Variants in CNGB3 observed in about 807,000 individuals in gnomAD.
The protein encoded by CNGB3 is cyclic nucleotide-gated channel beta-3.
In CNGB3, 86 loss-of-function variants were observed where a neutral mutation model predicts 92.8. The observed-to-expected ratio is 0.93, with a 90% confidence interval of 0.78 to 1.11. The LOEUF (loss-of-function observed/expected upper bound fraction) is 1.11, where lower values mean the gene tolerates loss of function less well. Ranked by LOEUF, CNGB3 falls within the 50% of genes least tolerant of loss-of-function variation. The pLI is 0.00. For missense variants in CNGB3, 1,026 were observed against 956.8 expected (o/e 1.07, Z -0.95); for synonymous variants, 333 against 332.7 (o/e 1.00, Z -0.01).
intron 2 of CNGB3, among the ~76,000 whole-genome samples, chr8:86,729,451 C>T (rs1282464484): frequency 5.3e-5 from 8 of 152,130 alleles, no homozygotes. Flanking sequence ...TAGCTATTAC[C>T]AAGCCTTTCT....
intron 3 of CNGB3, among the ~76,000 whole-genome samples, chr8:86,684,468 A>T (rs1056282213): frequency 6.6e-6 from 1 of 152,136 alleles, no homozygotes; most frequent in Non-Finnish European, 1.5e-5. Flanking sequence ...TGCAATTATC[A>T]TATGACCCCT....
intron 3 of CNGB3, among the ~76,000 whole-genome samples, chr8:86,693,448 T>TTTA (rs1824360439): frequency 1.3e-5 from 2 of 149,694 alleles, no homozygotes; most frequent in African/African-American, 4.9e-5. Flanking sequence ...TATTTATTTA[T>TTTA]TTATTTATTT....
intron 13 of CNGB3, among the ~76,000 whole-genome samples, chr8:86,618,511 A>G (rs894373980): frequency 2.1e-5 from 3 of 144,536 alleles, no homozygotes; most frequent in African/African-American, 5.1e-5. Context: ...TTTATTTAGT[A>G]TCTCCCCTCC....
intron 2 of CNGB3, among the ~76,000 whole-genome samples, chr8:86,731,476 T>C (rs1192617591): frequency 6.6e-6 from 1 of 152,202 alleles, no homozygotes. Context: ...AAAAAGAACG[T>C]GGATCCATCT....
intron 1 of CNGB3, among the ~76,000 whole-genome samples, chr8:86,742,902 C>T (rs924425590): frequency 1.3e-5 from 2 of 152,118 alleles, no homozygotes; most frequent in Non-Finnish European, 2.9e-5. Flanking sequence ...AAAGTTCCTC[C>T]ACCTTGGCAG....
chr8:86,689,093 C>T (rs1199746373), intron 3 of CNGB3, among the ~76,000 whole-genome samples: 1 of 150,516 alleles, frequency 6.6e-6, no homozygotes, highest in African/African-American at 2.4e-5. Flanking sequence ...ATAGTTTCCT[C>T]TTGTTATTGA....
intron 3 of CNGB3, among the ~76,000 whole-genome samples, chr8:86,725,910 C>T (rs1825054276): frequency 6.6e-6 from 1 of 151,894 alleles, no homozygotes; most frequent in Admixed American, 6.6e-5. Flanking sequence ...TAATACCATG[C>T]CAAGAAGAGG....
chr8:86,653,490 A>G (rs1823444288), intron 7 of CNGB3, among the ~76,000 whole-genome samples: 1 of 152,064 alleles, frequency 6.6e-6, no homozygotes, highest in Admixed American at 6.6e-5. Flanking sequence ...GTAAACCTAA[A>G]TAACCCCTGA....
At chr8:86,635,440 G>T (rs1157940226) in intron 10 of CNGB3, among the ~76,000 whole-genome samples, 1 of 151,798 alleles carries the variant, frequency 6.6e-6, no homozygotes, top group East Asian at 1.9e-4. Context: ...TCTTTTTTAT[G>T]ATTTTAAAAA....
intron 15 of CNGB3, among the ~76,000 whole-genome samples, chr8:86,587,898 G>C (rs887184677): frequency 2.0e-5 from 3 of 152,096 alleles, no homozygotes; most frequent in Admixed American, 2.0e-4. Context: ...GCTTGATGGG[G>C]ATTGCATTGA....
chr8:86,736,508 T>G (rs1261280973), intron 2 of CNGB3, among the ~76,000 whole-genome samples: 4 of 152,166 alleles, frequency 2.6e-5, no homozygotes, highest in Non-Finnish European at 4.4e-5. Flanking sequence ...AATCCTTGGT[T>G]TTATGCTAAT....
intron 3 of CNGB3, among the ~76,000 whole-genome samples, chr8:86,722,139 C>T (rs950762953): frequency 6.6e-6 from 1 of 152,196 alleles, no homozygotes; most frequent in Non-Finnish European, 1.5e-5. Flanking sequence ...ATTTCACTCA[C>T]TCGCTGCTTG....
At chr8:86,658,971 A>G (rs3779796) in intron 6 of CNGB3, 201,060 of 1,073,312 alleles carry the variant, frequency 0.19, 23,191 homozygotes, top group East Asian at 0.4. Flanking sequence ...ATTGTCTTGC[A>G]CCTGGGCTTG....
At chr8:86,692,004 G>A (rs1178748242) in intron 3 of CNGB3, among the ~76,000 whole-genome samples, 1 of 152,140 alleles carries the variant, frequency 6.6e-6, no homozygotes, top group Non-Finnish European at 1.5e-5. Flanking sequence ...TCAGGAACAG[G>A]TGATTTAATT....
At position 86,671,004 on chromosome 8, in the gene CNGB3, G is replaced by T; in HGVS notation, c.433C>A (p.Leu145Ile). 6.2e-7 allele frequency: 1 copy of T among 1,613,480 alleles called. No homozygotes were observed. ...CCCTCTACCAACTTTTTCTTGTAGA[G>T]GGCTGTTCTTTGACGCATTCTTTTC... Reference protein sequence around the residue: ...LVKRMRQRTALYKKKLVEGDL... With the variant: ...LVKRMRQRTAIYKKKLVEGDL... The change falls in exon 4 of 18, where the codon CTC becomes ATC. Residue 145 changes from leucine (L) to isoleucine (I), a missense_variant. Leu to Ile is a conservative substitution (Grantham distance 5). Transcript: ENST00000320005.
intron 13 of CNGB3, among the ~76,000 whole-genome samples, chr8:86,616,278 T>C (rs1822620924): frequency 6.6e-6 from 1 of 152,160 alleles, no homozygotes; most frequent in African/African-American, 2.4e-5. Flanking sequence ...AGAATTTAAG[T>C]TTCACCAATT....
intron 3 of CNGB3, among the ~76,000 whole-genome samples, chr8:86,708,998 A>C (rs1362372139): frequency 1.3e-5 from 2 of 152,178 alleles, no homozygotes; most frequent in African/African-American, 2.4e-5. Flanking sequence ...CTGGTCACTC[A>C]TGTGCAGCCC....
intron 15 of CNGB3, among the ~76,000 whole-genome samples, chr8:86,588,846 G>T (rs894044580): frequency 6.6e-6 from 1 of 151,626 alleles, no homozygotes; most frequent in Non-Finnish European, 1.5e-5. Flanking sequence ...AATGATGCTG[G>T]CCTCATAAAA....
intron 3 of CNGB3, among the ~76,000 whole-genome samples, chr8:86,694,139 C>T (rs1824386132): frequency 1.5e-5 from 2 of 137,856 alleles, no homozygotes; most frequent in Non-Finnish European, 1.6e-5. Flanking sequence ...ACCCCCCCAC[C>T]TCCCTCCTGG....
Sources: gnomAD v4.1 joint callset for allele counts (sites outside exome capture counted in the v4.1 genomes callset) on GRCh38, gnomAD v4.1.1 for gene constraint, MANE v1.5 for transcripts, NCBI Gene and HGNC (gene_info 2026-07-23, HGNC 2026-07-21) for gene names.